Variants in ADGRB2 observed in about 807,000 individuals in gnomAD.
ADGRB2 encodes brain-specific angiogenesis inhibitor 2.
A neutral mutation model predicts 178.7 loss-of-function variants in ADGRB2; 47 were observed. The ratio of observed to expected loss-of-function variants is 0.26; its 90% CI spans 0.21 to 0.34. The LOEUF is 0.34. Among genes scored for constraint, ADGRB2 ranks in the 10% least tolerant of loss-of-function variants. The probability of loss-of-function intolerance (pLI) is 1.00; values close to 1 mark genes in which losing one functional copy is unlikely to be tolerated. For missense variants in ADGRB2, 1,584 were observed against 2,180.8 expected (o/e 0.73, Z 5.45); for synonymous variants, 870 against 912.4 (o/e 0.95, Z 0.84).
At position 31,727,372 on chromosome 1, in the gene ADGRB2, AT is replaced by A. The variant is rs751975124; in HGVS notation, c.*47del. ...GGTAGTTCCAAAGTGGAGTGTGAAA[AT>A]AGAGAGATATATATATTTATATGCA... is the stretch of plus-strand genomic sequence containing the variant. On this transcript the variant is annotated 3_prime_UTR_variant, in exon 33 of 33. Coordinates refer to ENST00000373658, the MANE Select transcript of ADGRB2 (RefSeq NM_001364857.2). This position sits in a 1 kb window ranked among gnomAD's most constrained non-coding sequence, Gnocchi z 4.4. The A allele has an allele frequency of 2.1e-5, 32 of 1,527,908 alleles. No homozygotes were observed. The Admixed American group carries it at 7.7e-4, about 37-fold the overall frequency. 94.6% of individuals were successfully genotyped at this position (1,527,908 alleles called of 1,614,324 possible).
Position 31,740,587 on chromosome 1 carries a change from G to A in ADGRB2, c.1795-46C>T, listed in dbSNP as rs747104861. 9.2e-6 allele frequency: 14 copies of A among 1,522,388 alleles called. No individual in the cohort carries two copies. The highest frequency in any genetic ancestry group is 1.2e-5 in the Non-Finnish European group (14 of 1,132,976). 94.3% of individuals were successfully genotyped at this position (1,522,388 alleles called of 1,614,324 possible). On this transcript the variant is annotated intron_variant, in intron 11 of 32. Transcript: ENST00000373658. This position sits in a 1 kb window ranked among gnomAD's most constrained non-coding sequence, Gnocchi z 5.9. ...ACAGTCACTGAAGTGTCAGGAGCTG[G>A]AACCAGACCCTGGCCCATCCCACTC...
intron 4 of ADGRB2, among the ~76,000 whole-genome samples, chr1:31,749,577 A>C (rs12037400): frequency 0.16 from 24,803 of 152,234 alleles, 4,544 homozygotes; most frequent in African/African-American, 0.45. Context: ...TTCAGTGAAA[A>C]CAGAGATGTG....
At position 31,752,546 on chromosome 1, in the gene ADGRB2, C is replaced by G. The variant is rs543690861; in HGVS notation, c.838+3453G>C. ...AATCTTAGGACAGGGCTGGGCAAAT[C>G]AGAGGCAGCTTCCTAGAGGGGACAG... On this transcript the variant is annotated intron_variant, in intron 4 of 32. Transcript: ENST00000373658. Among the ~76,000 whole-genome samples, 4 of 152,310 alleles carry G rather than the reference C, an allele frequency of 2.6e-5. No individual in the cohort carries two copies. The East Asian group carries it at 5.8e-4, about 22-fold the overall frequency.
Position 31,744,860 on chromosome 1 carries a change from G to A in ADGRB2, c.839-129C>T. 1 of 859,882 alleles carries A rather than the reference G, an allele frequency of 1.2e-6. No individual in the cohort carries two copies. The highest frequency in any genetic ancestry group is 1.5e-5 in the South Asian group (1 of 68,816). 53.3% of individuals were successfully genotyped at this position (859,882 alleles called of 1,614,324 possible). ...AACCAACTGCATGATGCTCTCTCAGGATCACATTCTGCCCTCTGCCCCACC... is the reference window on the plus strand; with the variant it reads ...AACCAACTGCATGATGCTCTCTCAGAATCACATTCTGCCCTCTGCCCCACC... On this transcript the variant is annotated intron_variant, in intron 4 of 32. Transcript: ENST00000373658. This position sits in a 1 kb window ranked among gnomAD's most constrained non-coding sequence, Gnocchi z 6.7.
chr1:31,731,614 C>T (rs1438832487), intron 28 of ADGRB2, among the ~76,000 whole-genome samples, 195 bp from the exon 29 acceptor site: 3 of 152,076 alleles, frequency 2.0e-5, no homozygotes, highest in African/African-American at 4.8e-5. Context: ...AAAGTCCCCA[C>T]ATTGAGACAG....
rs2149070597 is a variant in ADGRB2, at chr1:31,759,214, C to G, written c.-190-1703G>C. On this transcript the variant is annotated intron_variant, in intron 1 of 32. Transcript: ENST00000373658. The surrounding 1 kb of genome is among the most constrained non-coding windows in gnomAD (Gnocchi z 4.3). ...TGCACACAGGTGAAACCCACAGATT[C>G]ATGCTGTCACACACACTCAGGAGTT... 1 of 752,796 alleles carries G rather than the reference C, an allele frequency of 1.3e-6. No homozygotes were observed. The highest frequency in any genetic ancestry group is 2.3e-4 in the Middle Eastern group (1 of 4,336). The allele number at this position is 752,796 out of a possible 1,614,324, so 46.6% of individuals were successfully genotyped here. A position where few individuals can be genotyped will look rare whatever the true frequency, so the allele number is the denominator to read the frequency against.
chr1:31,750,879 GC>G (rs35281943), intron 4 of ADGRB2, among the ~76,000 whole-genome samples: 3 of 151,240 alleles, frequency 2.0e-5, no homozygotes, highest in East Asian at 1.9e-4. Flanking sequence ...ATGCCAGACC[GC>G]CCCCCCCAAT....
At chr1:31,745,486 C>CCT (rs568532903) in intron 4 of ADGRB2, among the ~76,000 whole-genome samples, 250 of 152,350 alleles carry the variant, frequency 1.6e-3, no homozygotes, top group Middle Eastern at 6.8e-3. Flanking sequence ...TGGGCTAGGC[C>CCT]TTGGAAGCAC....
Position 31,754,961 on chromosome 1 carries a change from T to G in ADGRB2, c.838+1038A>C, listed in dbSNP as rs1646759950. On this transcript the variant is annotated intron_variant, in intron 4 of 32. Coordinates refer to ENST00000373658, the MANE Select transcript of ADGRB2 (RefSeq NM_001364857.2). The surrounding 1 kb of genome is among the most constrained non-coding windows in gnomAD (Gnocchi z 5.7). ...TGTCTCCTTGTAAACACTCTCCCAG[T>G]GAAATCCAGATGCCCTTTCCATCCT... Among the ~76,000 whole-genome samples the G allele has an allele frequency of 6.6e-6, 1 of 152,194 alleles. No individual in the cohort carries two copies. Among genetic ancestry groups the G allele is most frequent in the Non-Finnish European group, 1.5e-5 (1 of 68,034 alleles).
In ADGRB2 at chr1:31,727,999, A is replaced by T. The variant is rs1645074889; in HGVS notation, c.4572+26T>A. 1 of 1,537,526 alleles carries T rather than the reference A, an allele frequency of 6.5e-7. No homozygotes were observed. Among genetic ancestry groups the T allele is most frequent in the African/African-American group, 1.4e-5 (1 of 72,864 alleles). ...GGCACGGGTCCCTCAGGCCCACCTC[A>T]CCCCACCCAGCCCGGGGGGACTCAC... On this transcript the variant is annotated intron_variant, in intron 32 of 32. Transcript: ENST00000373658. This position sits in a 1 kb window ranked among gnomAD's most constrained non-coding sequence, Gnocchi z 4.4.
At chr1:31,757,677 T>C (rs532990847) in intron 1 of ADGRB2, among the ~76,000 whole-genome samples, 166 bp from the exon 2 acceptor site, 65 of 152,242 alleles carry the variant, frequency 4.3e-4, no homozygotes, top group African/African-American at 1.5e-3. Context: ...TCCAGCTCCA[T>C]GGGATTATCT....
Position 31,744,499 on chromosome 1 carries a change from G to C in ADGRB2, c.923-142C>G. ...ACCCCAAGTAACAGGCTCTTCAGGA[G>C]GCCACCCAGCCCTTCCCACAAGCTT... is the stretch of plus-strand genomic sequence containing the variant. On this transcript the variant is annotated intron_variant, in intron 5 of 32. Transcript: ENST00000373658. The surrounding 1 kb of genome is among the most constrained non-coding windows in gnomAD (Gnocchi z 6.7). The C allele has an allele frequency of 7.0e-7, 1 of 1,437,264 alleles. No homozygotes were observed. The highest frequency in any genetic ancestry group is 9.5e-7 in the Non-Finnish European group (1 of 1,055,620). 89.0% of individuals were successfully genotyped at this position (1,437,264 alleles called of 1,614,324 possible). A position where few individuals can be genotyped will look rare whatever the true frequency, so the allele number is the denominator to read the frequency against.
chr1:31,754,895 C>T lies in ADGRB2; in HGVS notation c.838+1104G>A, dbSNP rs966365305. Among the ~76,000 whole-genome samples, 12 of 152,308 alleles carry T rather than the reference C, an allele frequency of 7.9e-5. No individual in the cohort carries two copies. The highest frequency in any genetic ancestry group is 2.6e-4 in the African/African-American group (11 of 41,558). ...CAGCAGAGCAGGGCTGGGGACAGGC[C>T]GCTCTCCTCCAGCACTCCTAGCAGC... On this transcript the variant is annotated intron_variant, in intron 4 of 32. Coordinates refer to ENST00000373658, the MANE Select transcript of ADGRB2 (RefSeq NM_001364857.2). The surrounding 1 kb of genome is among the most constrained non-coding windows in gnomAD (Gnocchi z 5.7).
In ADGRB2 at chr1:31,759,486, C is replaced by G; in HGVS notation, c.-190-1975G>C. 1 of 710,740 alleles carries G rather than the reference C, an allele frequency of 1.4e-6. No individual in the cohort carries two copies. Among genetic ancestry groups the G allele is most frequent in the East Asian group, 2.5e-5 (1 of 40,356 alleles). The allele number at this position is 710,740 out of a possible 1,614,324, so 44.0% of individuals were successfully genotyped here. ...CCCGCCCCATCAAGAAGCACAAGGTCCACATCCTTCAGAGCCACAGGCTGG... is the reference window on the plus strand; with the variant it reads ...CCCGCCCCATCAAGAAGCACAAGGTGCACATCCTTCAGAGCCACAGGCTGG... On this transcript the variant is annotated intron_variant, in intron 1 of 32. Coordinates refer to ENST00000373658, the MANE Select transcript of ADGRB2 (RefSeq NM_001364857.2). This position sits in a 1 kb window ranked among gnomAD's most constrained non-coding sequence, Gnocchi z 4.3.
At chr1:31,750,520 G>A (rs1354716189) in intron 4 of ADGRB2, among the ~76,000 whole-genome samples, 1 of 152,126 alleles carries the variant, frequency 6.6e-6, no homozygotes, top group East Asian at 1.9e-4. Context: ...ACACAGTCCT[G>A]TGCCCTCAGC....
At position 31,727,216 on chromosome 1, in the gene ADGRB2, G is replaced by T; in HGVS notation, c.*204C>A. 1.8e-6 allele frequency: 1 copy of T among 547,870 alleles called. No individual in the cohort carries two copies. The highest frequency in any genetic ancestry group is 2.0e-5 in the African/African-American group (1 of 49,828). 33.9% of individuals were successfully genotyped at this position (547,870 alleles called of 1,614,324 possible). A position where few individuals can be genotyped will look rare whatever the true frequency, so the allele number is the denominator to read the frequency against. ...GGCTGAAGATGGGGTTCCAGTGGCTGAGGGGCCTCTGAGAAACAAGGAAGG... is the reference window on the plus strand; with the variant it reads ...GGCTGAAGATGGGGTTCCAGTGGCTTAGGGGCCTCTGAGAAACAAGGAAGG... On this transcript the variant is annotated 3_prime_UTR_variant, in exon 33 of 33. Transcript: ENST00000373658. The surrounding 1 kb of genome is among the most constrained non-coding windows in gnomAD (Gnocchi z 4.4).
chr1:31,744,459 GCTC>G lies in ADGRB2; in HGVS notation c.923-105_923-103del. 1.3e-6 allele frequency: 2 copies of G among 1,490,122 alleles called. No individual in the cohort carries two copies. The highest frequency in any genetic ancestry group is 1.8e-6 in the Non-Finnish European group (2 of 1,107,346). 92.3% of individuals were successfully genotyped at this position (1,490,122 alleles called of 1,614,324 possible). On this transcript the variant is annotated intron_variant, in intron 5 of 32. Transcript: ENST00000373658. The surrounding 1 kb of genome is among the most constrained non-coding windows in gnomAD (Gnocchi z 6.7). ...GTAAGGTGGGGGCAGGCATCAGAGG[GCTC>G]CTCCTACCCTGACCCCAAGTAACAG... is the stretch of plus-strand genomic sequence containing the variant.
rs559032443 is a variant in ADGRB2, at chr1:31,727,478, C to T, written c.4700G>A (p.Arg1567Gln). Reference sequence around the variant, plus strand: ...TTCTGTGGGCTCCCAGGCTGCTGCCCGGTGCAGAGTCAGCCGTTCTCGGGG... The same window carrying T: ...TTCTGTGGGCTCCCAGGCTGCTGCCTGGTGCAGAGTCAGCCGTTCTCGGGG... ...PKPRERLTLH[R>Q]AAAWEPTEPP... The change falls in exon 33 of 33, where the codon CGG (arginine) becomes CAG (glutamine). Residue 1567 changes from arginine to glutamine, a missense_variant. Arg to Gln is a conservative substitution (Grantham distance 43). Transcript: ENST00000373658. This position sits in a 1 kb window ranked among gnomAD's most constrained non-coding sequence, Gnocchi z 4.4. 8.7e-5 allele frequency: 138 copies of T among 1,594,706 alleles called. 3 individuals carry two copies. The East Asian group carries it at 2.3e-3, about 27-fold the overall frequency.
chr1:31,739,171 G>GA, intron 15 of ADGRB2, 137 bp downstream of exon 15: 1 of 1,043,384 alleles, frequency 9.6e-7, no homozygotes, highest in Non-Finnish European at 1.4e-6. Flanking sequence ...CATGTGTCCA[G>GA]AGCCAGGCAA....
Sources: allele counts gnomAD v4.1 joint callset (sites outside exome capture counted in the v4.1 genomes callset), GRCh38; gene constraint gnomAD v4.1.1; non-coding constraint Gnocchi (gnomAD v3.1); transcripts MANE v1.5; gene names NCBI Gene and HGNC (gene_info 2026-07-23, HGNC 2026-07-21).